Variants in PCDHA7 observed in about 807,000 individuals in gnomAD.
PCDHA7 encodes the protein protocadherin alpha-7.
PCDHA7 carries 37 observed loss-of-function variants against 57.2 expected under a neutral mutation model. The ratio of observed to expected loss-of-function variants is 0.65; its 90% confidence interval spans 0.50 to 0.85. PCDHA7 has a LOEUF of 0.85. PCDHA7 is among the 40% of genes least tolerant of loss of function. PCDHA7 has a pLI of 0.00. For synonymous variants in PCDHA7, 553 were observed against 558.8 expected (o/e 0.99, Z 0.15); for missense variants, 1,188 against 1,241.8 (o/e 0.96, Z 0.65).
intron 1 of PCDHA7, among the ~76,000 whole-genome samples, chr5:140,846,139 A>G (rs1196969415): frequency 6.7e-6 from 1 of 149,708 alleles, no homozygotes; most frequent in Non-Finnish European, 1.5e-5. Flanking sequence ...TGTTTCCCAT[A>G]TTTAAAAGTT....
intron 3 of PCDHA7, among the ~76,000 whole-genome samples, chr5:140,986,569 T>C (rs1006962446): frequency 7.2e-5 from 11 of 152,296 alleles, no homozygotes; most frequent in East Asian, 3.9e-4. Context: ...TTATCTGTTA[T>C]TGGTTTTTCC....
intron 1 of PCDHA7, among the ~76,000 whole-genome samples, chr5:140,963,244 T>C (rs934081934): frequency 6.6e-6 from 1 of 151,988 alleles, no homozygotes; most frequent in Non-Finnish European, 1.5e-5. Flanking sequence ...ATGGATTAGG[T>C]AGGTTTTCAT....
chr5:140,870,864 C>T lies in PCDHA7; in HGVS notation c.2355+34126C>T, dbSNP rs782241816. The T allele has an allele frequency of 3.7e-6, 6 of 1,613,816 alleles. No homozygotes were observed. The African/African-American group carries it at 8.0e-5, about 22-fold the overall frequency. ...TAGTACCGCGGTCGGTGGGTGCGGG[C>T]CACGTGGTGGCGAAGGTGCGCGCAG... On this transcript the variant is annotated intron_variant, in intron 1 of 3. Coordinates refer to ENST00000525929, the MANE Select transcript of PCDHA7 (RefSeq NM_018910.3).
At chr5:140,886,772 G>A (rs910164045) in intron 1 of PCDHA7, among the ~76,000 whole-genome samples, 16 of 143,450 alleles carry the variant, frequency 1.1e-4, no homozygotes, top group Non-Finnish European at 1.8e-4. Flanking sequence ...GTTGCAGTGA[G>A]ATGAGATCAT....
At chr5:140,932,755 GA>G (rs1554209056) in intron 1 of PCDHA7, among the ~76,000 whole-genome samples, 4 of 151,730 alleles carry the variant, frequency 2.6e-5, no homozygotes, top group Non-Finnish European at 5.9e-5. Context: ...AAAAAGGAAA[GA>G]AAAAGAACAT....
chr5:140,884,273 C>T (rs1554181411), intron 1 of PCDHA7: 2 of 1,613,468 alleles, frequency 1.2e-6, no homozygotes, highest in Admixed American at 3.3e-5. Context: ...GCTGTTGTCG[C>T]TGGTGGAGAG....
intron 1 of PCDHA7, among the ~76,000 whole-genome samples, chr5:140,889,581 T>C (rs566040851): frequency 3.0e-4 from 45 of 152,324 alleles, no homozygotes; most frequent in Non-Finnish European, 4.3e-4. Flanking sequence ...ATTTTTGTTT[T>C]TGCTTTGAAA....
Position 140,849,766 on chromosome 5 carries a change from T to C in PCDHA7, c.2355+13028T>C. 1.9e-6 allele frequency: 3 copies of C among 1,598,326 alleles called. 1 individual carries two copies. Among genetic ancestry groups the C allele is most frequent in the Middle Eastern group, 1.7e-4 (1 of 5,858 alleles). On this transcript the variant is annotated intron_variant, in intron 1 of 3. Coordinates refer to ENST00000525929, the MANE Select transcript of PCDHA7 (RefSeq NM_018910.3). The stretch of plus-strand genomic sequence containing the variant: ...GAGAGTGTGTCCGCCTACGAGCTGG[T>C]GGTTACCGCGCGGGACGGGGGCTCG...
At chr5:140,925,217 G>T (rs1217593393) in intron 1 of PCDHA7, among the ~76,000 whole-genome samples, 1 of 152,154 alleles carries the variant, frequency 6.6e-6, no homozygotes, top group Non-Finnish European at 1.5e-5. Flanking sequence ...ATACTTTTAG[G>T]CAGGTTTCTA....
chr5:140,924,715 C>A (rs1258622619), intron 1 of PCDHA7, among the ~76,000 whole-genome samples: 3 of 151,692 alleles, frequency 2.0e-5, no homozygotes, highest in Non-Finnish European at 4.4e-5. Flanking sequence ...TGCAACATGG[C>A]GAAACCTCAC....
chr5:141,006,388 A>AT (rs2098271631), intron 3 of PCDHA7, among the ~76,000 whole-genome samples: 1 of 151,322 alleles, frequency 6.6e-6, no homozygotes, highest in African/African-American at 2.4e-5. Flanking sequence ...AGTTTTTTCT[A>AT]TTTTTTAGTA....
At chr5:140,970,139 A>G (rs1433151291) in intron 1 of PCDHA7, among the ~76,000 whole-genome samples, 3 of 152,124 alleles carry the variant, frequency 2.0e-5, no homozygotes, top group Non-Finnish European at 4.4e-5. Flanking sequence ...AGAAGGGAAA[A>G]AGAATTCTCC....
intron 1 of PCDHA7, chr5:140,927,330 G>A (rs2084093036): frequency 6.2e-7 from 1 of 1,614,140 alleles, no homozygotes; most frequent in Non-Finnish European, 8.5e-7. Flanking sequence ...TTACTCTCCC[G>A]AATGCCCAAG....
chr5:140,861,316 C>T (rs1554154495), intron 1 of PCDHA7: 4 of 215,598 alleles, frequency 1.9e-5, no homozygotes, highest in African/African-American at 9.3e-5. Context: ...AGGACCAGTT[C>T]CACTACACCA....
At chr5:140,973,628 T>G (rs1005772685) in intron 1 of PCDHA7, among the ~76,000 whole-genome samples, 13 of 152,250 alleles carry the variant, frequency 8.5e-5, no homozygotes, top group Admixed American at 2.6e-4. Context: ...TTCTGTATCT[T>G]GTACACATTC....
intron 1 of PCDHA7, chr5:140,843,294 C>G (rs2150356676): frequency 6.3e-7 from 1 of 1,595,870 alleles, no homozygotes; most frequent in Non-Finnish European, 8.6e-7. Flanking sequence ...GGTGAACCTG[C>G]GCTGACCGCC....
intron 1 of PCDHA7, among the ~76,000 whole-genome samples, chr5:140,892,007 T>C (rs1285446962): frequency 1.3e-5 from 2 of 152,244 alleles, no homozygotes; most frequent in South Asian, 2.1e-4. Context: ...CATTCTGTTA[T>C]AGCAGCACAA....
At chr5:140,943,718 C>G (rs2093552773) in intron 1 of PCDHA7, among the ~76,000 whole-genome samples, 1 of 152,020 alleles carries the variant, frequency 6.6e-6, no homozygotes, top group South Asian at 2.1e-4. Flanking sequence ...ATTTAAAGGT[C>G]TGAGAGAATG....
Position 140,836,007 on chromosome 5 carries a change from G to C in PCDHA7, c.1624G>C (p.Val542Leu). 1.9e-6 allele frequency: 3 copies of C among 1,613,296 alleles called. No homozygotes were observed. Among genetic ancestry groups the C allele is most frequent in the Non-Finnish European group, 2.5e-6 (3 of 1,179,710 alleles). The change falls in exon 1 of 4, where the codon GTG becomes CTG. Residue 542 changes from valine (V) to leucine (L), a missense_variant. Val to Leu is a conservative substitution (Grantham distance 32, BLOSUM62 1). This residue lies in a region of PCDHA7 where 892 missense variants were observed against 788.5 expected (regional missense o/e 1.13). Transcript: ENST00000525929. ...CCAGGTGAGCGCGCGCGATGCGGGC[G>C]TGCCGCCTCTGGGCAGCAACGTGAC... ...QFQVSARDAG[V>L]PPLGSNVTLQ...
Sources: allele counts gnomAD v4.1 joint callset (sites outside exome capture counted in the v4.1 genomes callset), GRCh38; gene constraint gnomAD v4.1.1; regional missense constraint gnomAD v4.1.1; transcripts MANE v1.5; gene names NCBI Gene and HGNC (gene_info 2026-07-23, HGNC 2026-07-21).